The following TRDN variants were observed in gnomAD, a reference collection of about 807,000 sequenced individuals.
TRDN encodes the protein triadin, also known as triadin in skeletal muscle.
TRDN carries 161 observed loss-of-function variants against 149.7 expected under a neutral mutation model. That is an observed-to-expected ratio of 1.08 (90% CI 0.95 to 1.23). The LOEUF (loss-of-function observed/expected upper bound fraction) is 1.23. TRDN is among the 50% of genes most tolerant of loss of function. The pLI is 0.00. For synonymous variants in TRDN, 294 were observed against 250.5 expected, an observed-to-expected ratio of 1.17 and a Z score of -1.64; for missense variants, 896 against 823.5, an observed-to-expected ratio of 1.09 and a Z score of -1.08.
intron 11 of TRDN, 79 bp downstream of exon 11, chr6:123,438,865 A>T (rs1423765337): frequency 8.6e-7 from 1 of 1,161,698 alleles, no homozygotes; most frequent in Non-Finnish European, 1.2e-6. Flanking sequence ...TTTCTTTCCT[A>T]GAAAATAATA....
intron 2 of TRDN, among the ~76,000 whole-genome samples, chr6:123,558,323 C>A (rs1246482815): frequency 1.3e-5 from 2 of 152,070 alleles, no homozygotes; most frequent in Non-Finnish European, 2.9e-5. Flanking sequence ...GGTCTCAATT[C>A]TTCCTCAGCC....
At chr6:123,530,067 A>G (rs186530627) in intron 5 of TRDN, among the ~76,000 whole-genome samples, 1 of 151,936 alleles carries the variant, frequency 6.6e-6, no homozygotes, top group Non-Finnish European at 1.5e-5. Context: ...GCTTTCTTAC[A>G]TGACCTCTGC....
At chr6:123,326,189 C>T (rs2114717137) in intron 23 of TRDN, among the ~76,000 whole-genome samples, 1 of 152,230 alleles carries the variant, frequency 6.6e-6, no homozygotes, top group South Asian at 2.1e-4. Context: ...CCATGCATGG[C>T]ATGCCAACAT....
chr6:123,514,631 A>AAC (rs60716520), intron 6 of TRDN, among the ~76,000 whole-genome samples: 55,630 of 147,308 alleles, frequency 0.38, 10,730 homozygotes, highest in East Asian at 0.69. Flanking sequence ...ACATACCCAA[A>AAC]ACACACACAC....
At chr6:123,587,417 A>G (rs909887712) in intron 1 of TRDN, among the ~76,000 whole-genome samples, 1 of 152,166 alleles carries the variant, frequency 6.6e-6, no homozygotes, top group African/African-American at 2.4e-5. Context: ...GTTGAGGGAC[A>G]GTGAGAGAGG....
At position 123,628,321 on chromosome 6, in the gene TRDN, A is replaced by T. The variant is rs183018246; in HGVS notation, c.22+8433T>A. Among the ~76,000 whole-genome samples, 56 of 152,200 alleles carry T rather than the reference A, an allele frequency of 3.7e-4. No homozygotes were observed. The South Asian group carries it at 7.5e-3, about 20-fold the overall frequency. On this transcript the variant is annotated intron_variant, in intron 1 of 40. Transcript: ENST00000334268. ...ATTGTTGTGTCTCGGGGAACAGAAAAGCCTGAGGAGAAGGAGAGATAGTGG... is the reference window on the plus strand; with the variant it reads ...ATTGTTGTGTCTCGGGGAACAGAAATGCCTGAGGAGAAGGAGAGATAGTGG...
At chr6:123,274,799 G>A in intron 26 of TRDN, 129 bp from the exon 27 acceptor site, 1 of 829,922 alleles carries the variant, frequency 1.2e-6, no homozygotes, top group Non-Finnish European at 1.9e-6. Context: ...CTTGAACCCA[G>A]GAGGCAGAGG....
chr6:123,489,525 A>C (rs1024182006), intron 9 of TRDN: 2 of 152,146 alleles, frequency 1.3e-5, no homozygotes, highest in African/African-American at 4.8e-5. Flanking sequence ...AAACAAAAGG[A>C]AATTTACCTA....
At chr6:123,403,655 A>G (rs1773075910) in intron 12 of TRDN, among the ~76,000 whole-genome samples, 1 of 152,196 alleles carries the variant, frequency 6.6e-6, no homozygotes, top group Non-Finnish European at 1.5e-5. Context: ...AAATTCCCCT[A>G]TTAAAATAGC....
chr6:123,503,509 C>T (rs1583157419), intron 8 of TRDN: 3 of 1,406,376 alleles, frequency 2.1e-6, no homozygotes, highest in South Asian at 1.7e-5. Context: ...TCAAAATGCC[C>T]CTTTAGATCT....
chr6:123,560,401 C>T (rs1781922462), intron 2 of TRDN, among the ~76,000 whole-genome samples: 1 of 152,064 alleles, frequency 6.6e-6, no homozygotes. Context: ...AAGAAATTTC[C>T]TCACTATGCA....
At chr6:123,369,621 C>G (rs780951590) in intron 19 of TRDN, among the ~76,000 whole-genome samples, 51 of 152,158 alleles carry the variant, frequency 3.4e-4, no homozygotes, top group Non-Finnish European at 5.7e-4. Context: ...CCTCCTTAAA[C>G]ATCCTACAAC....
chr6:123,395,502 G>T (rs1007231580), intron 12 of TRDN, among the ~76,000 whole-genome samples: 1 of 152,042 alleles, frequency 6.6e-6, no homozygotes, highest in Non-Finnish European at 1.5e-5. Flanking sequence ...GTCCTGGGTT[G>T]GGCTGTGTGC....
chr6:123,325,748 A>G (rs1167635842), intron 23 of TRDN, among the ~76,000 whole-genome samples: 1 of 152,054 alleles, frequency 6.6e-6, no homozygotes, highest in African/African-American at 2.4e-5. Flanking sequence ...AGACAAAAAC[A>G]CTGGTTAAGT....
chr6:123,606,060 C>T (rs1239355665), intron 1 of TRDN, among the ~76,000 whole-genome samples: 1 of 151,834 alleles, frequency 6.6e-6, no homozygotes, highest in Non-Finnish European at 1.5e-5. Context: ...CTCCTAGTTT[C>T]CTGTGAATAA....
intron 10 of TRDN, among the ~76,000 whole-genome samples, chr6:123,440,549 C>A (rs896684360): frequency 1.3e-5 from 2 of 152,148 alleles, no homozygotes; most frequent in East Asian, 3.9e-4. Context: ...ATTTGCTAAG[C>A]ATCACCTCTG....
chr6:123,392,524 C>G (rs1408082989), intron 13 of TRDN, among the ~76,000 whole-genome samples: 2 of 151,984 alleles, frequency 1.3e-5, no homozygotes, highest in African/African-American at 4.8e-5. Context: ...TCACCCTGAC[C>G]TGCATTTTCA....
At chr6:123,593,540 T>C (rs1320796329) in intron 1 of TRDN, among the ~76,000 whole-genome samples, 2 of 152,172 alleles carry the variant, frequency 1.3e-5, no homozygotes, top group East Asian at 3.9e-4. Flanking sequence ...ATTGATAGGG[T>C]TCTTTCTGAG....
intron 24 of TRDN, 140 bp from the exon 25 acceptor site, chr6:123,279,222 T>C: frequency 1.2e-5 from 8 of 676,004 alleles, no homozygotes; most frequent in South Asian, 2.8e-5. Context: ...TGAAATTCTA[T>C]AGAATGTGTA....
Sources: allele counts gnomAD v4.1 joint callset (sites outside exome capture counted in the v4.1 genomes callset), GRCh38; gene constraint gnomAD v4.1.1; transcripts MANE v1.5; gene names NCBI Gene and HGNC (gene_info 2026-07-23, HGNC 2026-07-21).